STX17: variants seen among roughly 807,000 people sequenced by gnomAD.
STX17 encodes syntaxin 17.
STX17 carries 29 observed loss-of-function variants against 35.9 expected under a neutral mutation model. That is an observed-to-expected ratio of 0.81 (90% CI 0.60 to 1.10). STX17 has a LOEUF of 1.10. STX17 is among the 50% of genes least tolerant of loss of function. The probability of loss-of-function intolerance (pLI) is 0.00; values close to 1 mark genes in which losing one functional copy is unlikely to be tolerated. For synonymous variants in STX17, 92 were observed against 118.3 expected, an observed-to-expected ratio of 0.78 and a Z score of 1.44; for missense variants, 312 against 352.3, an observed-to-expected ratio of 0.89 and a Z score of 0.92.
chr9:99,965,641 T>C (rs972281257), intron 6 of STX17, among the ~76,000 whole-genome samples: 2 of 152,212 alleles, frequency 1.3e-5, no homozygotes, highest in Non-Finnish European at 2.9e-5. Context: ...TTTTCTTCTA[T>C]GGGTCAGAAA....
chr9:99,947,734 C>T (rs1007491221), intron 3 of STX17, among the ~76,000 whole-genome samples: 3 of 152,058 alleles, frequency 2.0e-5, no homozygotes, highest in Non-Finnish European at 2.9e-5. Context: ...GGAGCTCTGA[C>T]GATCCCAGCC....
chr9:99,938,979 G>A (rs748954902), intron 3 of STX17, among the ~76,000 whole-genome samples: 40 of 152,056 alleles, frequency 2.6e-4, no homozygotes, highest in African/African-American at 8.7e-4. Context: ...GGAAAGATAC[G>A]GCTTTGGAGA....
chr9:99,935,728 G>A (rs886076592), intron 3 of STX17, among the ~76,000 whole-genome samples: 7 of 152,208 alleles, frequency 4.6e-5, no homozygotes, highest in Non-Finnish European at 1.0e-4. Context: ...AAGGTGTTGA[G>A]TGTTCTTTTA....
intron 3 of STX17, among the ~76,000 whole-genome samples, chr9:99,949,942 T>TACAC (rs58226718): frequency 0.03 from 4,468 of 149,040 alleles, 100 homozygotes; most frequent in African/African-American, 0.064. Flanking sequence ...CACACATGTA[T>TACAC]ACACACACAC....
intron 1 of STX17, among the ~76,000 whole-genome samples, chr9:99,908,837 A>G (rs957538236): frequency 6.6e-6 from 1 of 152,230 alleles, no homozygotes; most frequent in Non-Finnish European, 1.5e-5. Flanking sequence ...ACCAGTCTAT[A>G]CATATGCATA....
chr9:99,967,783 C>G, intron 7 of STX17, 44 bp downstream of exon 7: 1 of 1,555,644 alleles, frequency 6.4e-7, no homozygotes, highest in African/African-American at 1.4e-5. Flanking sequence ...ACTCTGGCTC[C>G]CAGGAATCTC....
chr9:99,942,551 A>G (rs777713040), intron 3 of STX17, among the ~76,000 whole-genome samples: 1 of 152,074 alleles, frequency 6.6e-6, no homozygotes, highest in Non-Finnish European at 1.5e-5. Flanking sequence ...CAGTGGCGCA[A>G]TCATAGCTCA....
intron 4 of STX17, 90 bp from the exon 5 acceptor site, chr9:99,959,827 C>A: frequency 1.1e-6 from 1 of 911,590 alleles, no homozygotes; most frequent in Non-Finnish European, 1.8e-6. Flanking sequence ...CACCATTTAA[C>A]GTGGCATTTG....
chr9:99,924,225 G>A lies in STX17; in HGVS notation c.124-4553G>A, dbSNP rs577195810. ...TGACCCACAATCAGTTTAGAGTCCC[G>A]CCATTGGCAGGTTCGGAGGGCAGGA... is the stretch of plus-strand genomic sequence containing the variant. On this transcript the variant is annotated intron_variant, in intron 2 of 7. Transcript: ENST00000259400. 3.3e-5 allele frequency among the ~76,000 whole-genome samples: 5 copies of A among 152,180 alleles called. No individual in the cohort carries two copies. The South Asian group carries it at 6.2e-4, about 19-fold the overall frequency.
rs2118563508 is a variant in STX17, at chr9:99,971,399, T to C, written c.*2726T>C. On this transcript the variant is annotated 3_prime_UTR_variant, in exon 8 of 8. Transcript: ENST00000259400. ...CGCATTTATATCAAACCTTAGAATATGTTTAATGAACAATACTTACCATTC... is the reference window on the plus strand; with the variant it reads ...CGCATTTATATCAAACCTTAGAATACGTTTAATGAACAATACTTACCATTC... Among the ~76,000 whole-genome samples, 1 of 152,228 alleles carries C rather than the reference T, an allele frequency of 6.6e-6. No individual in the cohort carries two copies. The highest frequency in any genetic ancestry group is 1.9e-4 in the East Asian group (1 of 5,178).
intron 2 of STX17, among the ~76,000 whole-genome samples, chr9:99,917,309 A>G (rs1299506339): frequency 6.6e-6 from 1 of 152,132 alleles, no homozygotes; most frequent in Non-Finnish European, 1.5e-5. Flanking sequence ...ATTTTAATAG[A>G]TATGTTATGG....
chr9:99,940,506 CTG>C (rs1176478279), intron 3 of STX17, among the ~76,000 whole-genome samples: 1 of 135,640 alleles, frequency 7.4e-6, no homozygotes, highest in Admixed American at 7.7e-5. Flanking sequence ...GAGTCCCACT[CTG>C]TCACCCAGGC....
chr9:99,918,010 T>A (rs939259482), intron 2 of STX17, among the ~76,000 whole-genome samples: 1 of 152,228 alleles, frequency 6.6e-6, no homozygotes, highest in African/African-American at 2.4e-5. Context: ...AACTTGGTTC[T>A]ACCTTGTGTG....
chr9:99,908,632 C>T (rs1587906026), intron 1 of STX17, among the ~76,000 whole-genome samples: 1 of 151,896 alleles, frequency 6.6e-6, no homozygotes, highest in Non-Finnish European at 1.5e-5. Context: ...TTTTTTGGAA[C>T]TTCCTAATTT....
Position 99,906,679 on chromosome 9 carries a change from C to G in STX17, c.-90C>G, listed in dbSNP as rs1025219959. 1.3e-5 allele frequency: 2 copies of G among 151,950 alleles called. No homozygotes were observed. The highest frequency in any genetic ancestry group is 2.9e-5 in the Non-Finnish European group (2 of 67,954). The allele number at this position is 151,950 out of a possible 1,614,324, so 9.4% of individuals were successfully genotyped here. ...GCTCCTGCGCCTGCGCCGTGCCCAC[C>G]GACCGGCCTCGAGCGCCCCGGCGGG... On this transcript the variant is annotated 5_prime_UTR_variant, in exon 1 of 8. Transcript: ENST00000259400.
chr9:99,957,001 G>A (rs1829721988), intron 4 of STX17, among the ~76,000 whole-genome samples: 1 of 152,152 alleles, frequency 6.6e-6, no homozygotes, highest in African/African-American at 2.4e-5. Flanking sequence ...CCCTTCAACA[G>A]CTCTCTTTGG....
intron 6 of STX17, among the ~76,000 whole-genome samples, chr9:99,965,561 G>A (rs1486334962): frequency 6.6e-6 from 1 of 152,162 alleles, no homozygotes; most frequent in Non-Finnish European, 1.5e-5. Context: ...AGTGTTGGGG[G>A]TGTCCTAAAT....
Position 99,972,367 on chromosome 9 carries a change from C to T in STX17, c.*3694C>T, listed in dbSNP as rs762825699. ...AATGATACCCTTGGGAAATCATGTACTTACTGTAGTGATGCTAGTATTAAT... is the reference window on the plus strand; with the variant it reads ...AATGATACCCTTGGGAAATCATGTATTTACTGTAGTGATGCTAGTATTAAT... On this transcript the variant is annotated 3_prime_UTR_variant, in exon 8 of 8. Transcript: ENST00000259400. 1.4e-4 allele frequency among the ~76,000 whole-genome samples: 22 copies of T among 152,180 alleles called. No homozygotes were observed. The highest frequency in any genetic ancestry group is 3.1e-4 in the Non-Finnish European group (21 of 68,032).
intron 6 of STX17, among the ~76,000 whole-genome samples, chr9:99,962,361 A>T (rs1272567819): frequency 6.6e-6 from 1 of 152,218 alleles, no homozygotes; most frequent in Non-Finnish European, 1.5e-5. Flanking sequence ...TTGTTTCAGA[A>T]TCAACATTTA....
Sources: allele counts gnomAD v4.1 joint callset (sites outside exome capture counted in the v4.1 genomes callset), GRCh38; gene constraint gnomAD v4.1.1; transcripts MANE v1.5; gene names NCBI Gene and HGNC (gene_info 2026-07-23, HGNC 2026-07-21).